The following SNTG1 variants were observed in gnomAD, a reference collection of about 807,000 sequenced individuals.
SNTG1 encodes syntrophin gamma 1, also known as gamma-1-syntrophin.
SNTG1 carries 39 observed loss-of-function variants against 74.7 expected under a neutral mutation model. That is an observed-to-expected ratio of 0.52 (90% CI 0.40 to 0.68). SNTG1 has a LOEUF of 0.68. Ranked by LOEUF, SNTG1 falls within the 30% of genes least tolerant of loss-of-function variation. The pLI is 0.00. For missense variants in SNTG1, 685 were observed against 609.5 expected (o/e 1.12, Z -1.30); for synonymous variants, 254 against 217.1 (o/e 1.17, Z -1.49).
At position 50,122,470 on chromosome 8, in the gene SNTG1, C is replaced by A. The variant is rs185394910; in HGVS notation, c.-102-50091C>A. Among the ~76,000 whole-genome samples, 55 of 141,606 alleles carry A rather than the reference C, an allele frequency of 3.9e-4. 8 individuals carry two copies. The East Asian group carries it at 0.011, about 28-fold the overall frequency. 92.9% of individuals were successfully genotyped at this position (141,606 alleles called of 152,430 possible). ...GCACAAGAAGTAGGTCAAAAAAAAG[C>A]TGTGACTGCACTCAGCCCTTTGGAC... On this transcript the variant is annotated intron_variant, in intron 1 of 18. Coordinates refer to ENST00000642720, the MANE Select transcript of SNTG1 (RefSeq NM_018967.5).
At chr8:50,412,478 C>T (rs1054473198) in intron 4 of SNTG1, among the ~76,000 whole-genome samples, 7 of 151,968 alleles carry the variant, frequency 4.6e-5, no homozygotes, top group South Asian at 2.1e-4. Context: ...TCTGTCTTAT[C>T]GGGTAATTGT....
chr8:50,051,647 G>C (rs1819584631), intron 1 of SNTG1, among the ~76,000 whole-genome samples: 2 of 152,026 alleles, frequency 1.3e-5, no homozygotes, highest in Non-Finnish European at 2.9e-5. Flanking sequence ...TGGTTTCCCA[G>C]CAATCTTCAG....
intron 2 of SNTG1, among the ~76,000 whole-genome samples, chr8:50,327,835 C>T (rs1389045606): frequency 6.6e-6 from 1 of 151,964 alleles, no homozygotes; most frequent in Non-Finnish European, 1.5e-5. Context: ...TATTTTTTCA[C>T]TTATTTTTAA....
chr8:50,007,604 G>T (rs1252057277), intron 1 of SNTG1, among the ~76,000 whole-genome samples: 1 of 152,092 alleles, frequency 6.6e-6, no homozygotes, highest in African/African-American at 2.4e-5. Flanking sequence ...TGTATGCGTT[G>T]GTTTCAGATA....
At position 50,103,319 on chromosome 8, in the gene SNTG1, G is replaced by A. The variant is rs2080224059; in HGVS notation, c.-102-69242G>A. On this transcript the variant is annotated intron_variant, in intron 1 of 18. Coordinates refer to ENST00000642720, the MANE Select transcript of SNTG1 (RefSeq NM_018967.5). ...TCTTAGGTATTTTATTCTCTTTGAA[G>A]CAATTGTGAATAGGAGTTCACTCAT... 2.0e-5 allele frequency among the ~76,000 whole-genome samples: 3 copies of A among 152,148 alleles called. No homozygotes were observed. In the South Asian group the frequency reaches 6.2e-4, roughly 31 times the overall value.
intron 17 of SNTG1, among the ~76,000 whole-genome samples, chr8:50,722,718 G>A (rs2095490732): frequency 6.6e-6 from 1 of 152,104 alleles, no homozygotes; most frequent in East Asian, 1.9e-4. Context: ...TTCTGTTATA[G>A]TGAACTCCAG....
intron 18 of SNTG1, among the ~76,000 whole-genome samples, chr8:50,789,156 A>G (rs183472490): frequency 8.0e-4 from 122 of 152,010 alleles, no homozygotes; most frequent in African/African-American, 2.9e-3. Flanking sequence ...GCTCTCATGA[A>G]GCCATTCTTA....
At chr8:50,227,595 AGGTTGTAGAATGATTCTC>A (rs2085395044) in intron 2 of SNTG1, among the ~76,000 whole-genome samples, 1 of 152,076 alleles carries the variant, frequency 6.6e-6, no homozygotes, top group African/African-American at 2.4e-5. Context: ...TTTCATCATC[AGGTTGTAGAATGATTCTC>A]CTCTCTGACC....
chr8:50,670,648 A>C (rs4370541), intron 15 of SNTG1, among the ~76,000 whole-genome samples: 127,934 of 136,188 alleles, frequency 0.94, 60,402 homozygotes, highest in East Asian at 1. Context: ...ATGCCATCCC[A>C]ATCAAGCTAC....
chr8:50,067,802 T>C (rs1341699508), intron 1 of SNTG1, among the ~76,000 whole-genome samples: 3 of 152,158 alleles, frequency 2.0e-5, no homozygotes, highest in Non-Finnish European at 4.4e-5. Flanking sequence ...ACAGATGACC[T>C]GGAATGATGC....
At chr8:50,281,047 G>T (rs908635724) in intron 2 of SNTG1, among the ~76,000 whole-genome samples, 1 of 150,734 alleles carries the variant, frequency 6.6e-6, no homozygotes, top group Non-Finnish European at 1.5e-5. Context: ...GAAAAGGGAC[G>T]AGGATTCTCT....
At chr8:50,661,672 G>A (rs1355223705) in intron 15 of SNTG1, among the ~76,000 whole-genome samples, 1 of 152,070 alleles carries the variant, frequency 6.6e-6, no homozygotes, top group African/African-American at 2.4e-5. Flanking sequence ...GCATGTATTA[G>A]GTATTTGTCC....
intron 2 of SNTG1, among the ~76,000 whole-genome samples, chr8:50,283,145 A>T (rs60984750): frequency 0.07 from 10,586 of 152,278 alleles, 411 homozygotes; most frequent in African/African-American, 0.085. Flanking sequence ...TGTTTGAAAC[A>T]AAAAAGCGAC....
At chr8:50,537,314 T>C (rs1167535699) in intron 11 of SNTG1, among the ~76,000 whole-genome samples, 2 of 152,012 alleles carry the variant, frequency 1.3e-5, no homozygotes, top group Admixed American at 1.3e-4. Flanking sequence ...TTTTGTTTTG[T>C]TTTCGTAGAC....
At position 50,155,572 on chromosome 8, in the gene SNTG1, CA is replaced by C. The variant is rs375024102; in HGVS notation, c.-102-16986del. Among the ~76,000 whole-genome samples the C allele has an allele frequency of 1.4e-3, 205 of 151,796 alleles. 2 individuals carry two copies. In the East Asian group the frequency reaches 0.027, roughly 20 times the overall value. On this transcript the variant is annotated intron_variant, in intron 1 of 18. Coordinates refer to ENST00000642720, the MANE Select transcript of SNTG1 (RefSeq NM_018967.5). ...ATATTCTATAATGTTTAGAAATTCC[CA>C]AATATTTGTAAATTAAGCTATGCAC...
chr8:50,002,535 T>A (rs1814839302), intron 1 of SNTG1, among the ~76,000 whole-genome samples: 1 of 152,166 alleles, frequency 6.6e-6, no homozygotes, highest in Admixed American at 6.6e-5. Flanking sequence ...TTTTATTACT[T>A]TTTTCTTTAT....
At chr8:50,190,332 C>A (rs1375781302) in intron 2 of SNTG1, among the ~76,000 whole-genome samples, 3 of 152,030 alleles carry the variant, frequency 2.0e-5, no homozygotes, top group African/African-American at 7.2e-5. Context: ...GGAGAACAGT[C>A]AGAACAAAAG....
intron 2 of SNTG1, among the ~76,000 whole-genome samples, chr8:50,275,613 A>G (rs931283016): frequency 1.4e-4 from 21 of 152,126 alleles, no homozygotes; most frequent in Non-Finnish European, 2.4e-4. Flanking sequence ...TCACCATTAG[A>G]AATTGCGGTG....
intron 18 of SNTG1, among the ~76,000 whole-genome samples, chr8:50,787,269 A>C (rs1472132888): frequency 6.6e-6 from 1 of 151,964 alleles, no homozygotes; most frequent in Admixed American, 6.6e-5. Flanking sequence ...AATGCAAATC[A>C]AAACCACAGT....
Sources: gnomAD v4.1 joint callset for allele counts (sites outside exome capture counted in the v4.1 genomes callset) on GRCh38, gnomAD v4.1.1 for gene constraint, MANE v1.5 for transcripts, NCBI Gene and HGNC (gene_info 2026-07-23, HGNC 2026-07-21) for gene names.